SULT6B1: variants seen among roughly 807,000 people sequenced by gnomAD.
SULT6B1 encodes sulfotransferase family 6B member 1, also known as sulfotransferase 6B1.
SULT6B1 carries 44 observed loss-of-function variants against 37.2 expected under a neutral mutation model. That is an observed-to-expected ratio of 1.18 (90% confidence interval 0.93 to 1.52). The LOEUF (loss-of-function observed/expected upper bound fraction) is 1.52, where lower values mean the gene tolerates loss of function less well. Among genes scored for constraint, SULT6B1 ranks in the 40% most tolerant of loss-of-function variants. The pLI is 0.00. For missense variants in SULT6B1, 450 were observed against 361.0 expected (o/e 1.25, Z -2.00); for synonymous variants, 140 against 126.0 (o/e 1.11, Z -0.74).
chr2:37,174,439 C>T (rs1676370721), intron 5 of SULT6B1, among the ~76,000 whole-genome samples: 1 of 151,636 alleles, frequency 6.6e-6, no homozygotes, highest in Non-Finnish European at 1.5e-5. Flanking sequence ...CTGAAGTGAT[C>T]CCCCTGCCTC....
chr2:37,183,292 A>G (rs1289902576), intron 3 of SULT6B1, 133 bp downstream of exon 3: 2 of 708,030 alleles, frequency 2.8e-6, no homozygotes, highest in South Asian at 4.5e-5. Context: ...GAAAGAAACA[A>G]AAACAAAAAA....
chr2:37,174,296 C>G (rs1478730316), intron 5 of SULT6B1, among the ~76,000 whole-genome samples: 1 of 132,290 alleles, frequency 7.6e-6, no homozygotes, highest in Non-Finnish European at 1.5e-5. Context: ...GTGTGGTGGC[C>G]TAATCATGGT....
chr2:37,185,413 A>T (rs987948911), intron 2 of SULT6B1, among the ~76,000 whole-genome samples: 2 of 152,144 alleles, frequency 1.3e-5, no homozygotes, highest in African/African-American at 4.8e-5. Context: ...ACTGATTTCC[A>T]TTTAAAATTA....
chr2:37,168,022 G>C lies in SULT6B1; in HGVS notation c.825C>G (p.Asn275Lys). ...DWKNLFSEIQ[N>K]QEMDEKFKEC... ...CTTTGAATTTTTCATCCATTTCCTG[G>C]TTCTGAATTTCACTGAACAAATTTT... Residue 275 changes from asparagine (N) to lysine (K), a missense_variant, in exon 7 of 7, where the codon AAC (asparagine) becomes AAG (lysine). Coordinates refer to ENST00000535679, the MANE Select transcript of SULT6B1 (RefSeq NM_001367551.1). The C allele has an allele frequency of 6.3e-7, 1 of 1,599,842 alleles. No individual in the cohort carries two copies. The highest frequency in any genetic ancestry group is 8.5e-7 in the Non-Finnish European group (1 of 1,176,772).
At chr2:37,180,258 C>T (rs1222417953) in intron 3 of SULT6B1, among the ~76,000 whole-genome samples, 1 of 152,118 alleles carries the variant, frequency 6.6e-6, no homozygotes, top group Non-Finnish European at 1.5e-5. Flanking sequence ...TCCTGAATTC[C>T]GAGGAATCTG....
Position 37,167,828 on chromosome 2 carries a change from C to T in SULT6B1, c.*107G>A. On this transcript the variant is annotated 3_prime_UTR_variant, in exon 7 of 7. Transcript: ENST00000535679. ...ATTTTGTATTGTATTATTTAGATTT[C>T]AATATTGTTTAATTATTATTTGATT... The T allele has an allele frequency of 1.0e-6, 1 of 969,864 alleles. No homozygotes were observed. Among genetic ancestry groups the T allele is most frequent in the Non-Finnish European group, 1.4e-6 (1 of 704,780 alleles). The allele number at this position is 969,864 out of a possible 1,614,324, so 60.1% of individuals were successfully genotyped here. A position where few individuals can be genotyped will look rare whatever the true frequency, so the allele number is the denominator to read the frequency against.
At chr2:37,193,294 TAAAAAAAA>T (rs55842015), upstream of SULT6B1, among the ~76,000 whole-genome samples, 1 of 131,372 alleles carries the variant, frequency 7.6e-6, no homozygotes, top group South Asian at 2.5e-4. Flanking sequence ...TGTCTCTACT[TAAAAAAAA>T]AAAAAAAAAA....
At chr2:37,176,413 C>A (rs1430575183) in intron 4 of SULT6B1, among the ~76,000 whole-genome samples, 1 of 151,914 alleles carries the variant, frequency 6.6e-6, no homozygotes, top group Non-Finnish European at 1.5e-5. Flanking sequence ...GCACACACCA[C>A]CATGCCTGGC....
At chr2:37,171,343 A>G in intron 6 of SULT6B1, 91 bp downstream of exon 6, 2 of 1,468,728 alleles carry the variant, frequency 1.4e-6, no homozygotes, top group Non-Finnish European at 1.8e-6. Context: ...ATAAAACCCT[A>G]TCTGACTTAA....
rs1206529261 is a variant in SULT6B1, at chr2:37,183,503, G to T, written c.324C>A (p.Gly108=). The part of the protein sequence containing the change: ...GDSEKYQRMK[G]FPSPRILATH... ...TTGCCAAAATCCTTGGTGATGGAAA[G>T]CCTTTCATTCTCTTAAAAATATACA... The change falls in exon 3 of 7, where the codon GGC becomes GGA. Residue 108 remains glycine, a synonymous_variant. Coordinates refer to ENST00000535679, the MANE Select transcript of SULT6B1 (RefSeq NM_001367551.1). 2 of 1,613,578 alleles carry T rather than the reference G, an allele frequency of 1.2e-6. No individual in the cohort carries two copies. The highest frequency in any genetic ancestry group is 1.7e-5 in the Admixed American group (1 of 59,988).
At chr2:37,177,506 A>C (rs1676458147) in intron 4 of SULT6B1, among the ~76,000 whole-genome samples, 1 of 152,030 alleles carries the variant, frequency 6.6e-6, no homozygotes, top group Non-Finnish European at 1.5e-5. Flanking sequence ...AGTCAGATAC[A>C]TAATAGAGAG....
At chr2:37,178,418 C>T (rs899291251) in intron 4 of SULT6B1, among the ~76,000 whole-genome samples, 2 of 151,866 alleles carry the variant, frequency 1.3e-5, no homozygotes, top group Admixed American at 6.6e-5. Context: ...GTGTTTTTAG[C>T]AGAGACGGGG....
chr2:37,188,663 T>A lies in SULT6B1; in HGVS notation c.-23A>T. 1.1e-6 allele frequency: 1 copy of A among 871,338 alleles called. No individual in the cohort carries two copies. 54.0% of individuals were successfully genotyped at this position (871,338 alleles called of 1,614,324 possible). ...CATGGTGGCTCCCTGTAAAAGAACCTGCTCTGTGGCTGTTCAGGGGGAGTG... is the reference window on the plus strand; with the variant it reads ...CATGGTGGCTCCCTGTAAAAGAACCAGCTCTGTGGCTGTTCAGGGGGAGTG... On this transcript the variant is annotated 5_prime_UTR_variant, in exon 1 of 7. Transcript: ENST00000535679.
Position 37,167,962 on chromosome 2 carries a change from C to A in SULT6B1, c.885G>T (p.Leu295Phe), listed in dbSNP as rs115360520. The A allele has an allele frequency of 6.3e-7, 1 of 1,598,226 alleles. No individual in the cohort carries two copies. The highest frequency in any genetic ancestry group is 1.8e-5 in the Admixed American group (1 of 54,850). Residue 295 changes from leucine to phenylalanine, a missense_variant, in exon 7 of 7, where the codon TTG becomes TTT. Leu to Phe is a conservative substitution (Grantham distance 22). Coordinates refer to ENST00000535679, the MANE Select transcript of SULT6B1 (RefSeq NM_001367551.1). Reference sequence around the variant, plus strand: ...AACCCTGGCAATATGATTCATACTTCAACTTTGCTCCGAGGGAGGTGCCTG... The same window carrying A: ...AACCCTGGCAATATGATTCATACTTAAACTTTGCTCCGAGGGAGGTGCCTG... Reference protein sequence around the residue: ...CLAGTSLGAKLKYESYCQG With the variant: ...CLAGTSLGAKFKYESYCQG
chr2:37,180,356 T>G (rs577880232), intron 3 of SULT6B1, among the ~76,000 whole-genome samples: 1 of 152,340 alleles, frequency 6.6e-6, no homozygotes, highest in Admixed American at 6.5e-5. Context: ...AAGTGCAGAT[T>G]TGTGATATTC....
upstream of SULT6B1, among the ~76,000 whole-genome samples, chr2:37,190,492 A>G (rs1192938713): frequency 6.6e-6 from 1 of 152,174 alleles, no homozygotes; most frequent in Non-Finnish European, 1.5e-5. Flanking sequence ...TACAGGAACG[A>G]TCTGATGTAA....
intron 4 of SULT6B1, among the ~76,000 whole-genome samples, chr2:37,179,204 C>T (rs530952926): frequency 5.9e-4 from 89 of 152,116 alleles, no homozygotes; most frequent in African/African-American, 1.9e-3. Flanking sequence ...GTGATCTGCC[C>T]GCCTCGGCCT....
At chr2:37,172,787 C>T (rs139844536) in intron 5 of SULT6B1, among the ~76,000 whole-genome samples, 3,625 of 152,164 alleles carry the variant, frequency 0.024, 65 homozygotes, top group Middle Eastern at 0.058. Context: ...GGATTACAGG[C>T]GTGAGCCGCC....
In SULT6B1 at chr2:37,188,435, C is replaced by A; in HGVS notation, c.199+7G>T. The A allele has an allele frequency of 6.2e-7, 1 of 1,611,514 alleles. No homozygotes were observed. Among genetic ancestry groups the A allele is most frequent in the South Asian group, 1.1e-5 (1 of 90,744 alleles). On this transcript the variant is annotated splice_region_variant and intron_variant, in intron 1 of 6. Transcript: ENST00000535679. ...AGTGTACTTGTAGGAAACGACTTGT[C>A]ATTTACCGCACTTTGGATAAGATGC...
Sources: allele counts gnomAD v4.1 joint callset (sites outside exome capture counted in the v4.1 genomes callset), GRCh38; gene constraint gnomAD v4.1.1; transcripts MANE v1.5; gene names NCBI Gene and HGNC (gene_info 2026-07-23, HGNC 2026-07-21).